IL1R2: variants seen among roughly 807,000 people sequenced by gnomAD.
IL1R2 encodes the protein interleukin 1 receptor type 2.
In IL1R2, 46 loss-of-function variants were observed where a neutral mutation model predicts 39.5. The ratio of observed to expected loss-of-function variants is 1.16; its 90% CI spans 0.92 to 1.49. The LOEUF is 1.49. Ranked by LOEUF, IL1R2 falls within the 40% of genes most tolerant of loss-of-function variation. IL1R2 has a pLI of 0.00. For missense variants in IL1R2, 537 were observed against 502.0 expected (o/e 1.07, Z -0.67); for synonymous variants, 207 against 189.6 (o/e 1.09, Z -0.75).
intron 1 of IL1R2, among the ~76,000 whole-genome samples, chr2:101,994,214 G>A (rs1046806548): frequency 4.6e-5 from 7 of 152,162 alleles, no homozygotes; most frequent in Middle Eastern, 3.4e-3. Flanking sequence ...CCTCCTACCC[G>A]GCCCTGCTAG....
At chr2:102,001,676 A>G (rs1446217264) in intron 1 of IL1R2, among the ~76,000 whole-genome samples, 3 of 152,214 alleles carry the variant, frequency 2.0e-5, no homozygotes, top group African/African-American at 7.2e-5. Context: ...ATTTCTCTGT[A>G]TCTGAGTCTA....
At chr2:102,017,190 G>A (rs1045259275) in intron 4 of IL1R2, among the ~76,000 whole-genome samples, 2 of 152,062 alleles carry the variant, frequency 1.3e-5, no homozygotes, top group Non-Finnish European at 2.9e-5. Flanking sequence ...CTGAGGTCAG[G>A]AGTTTGAGAC....
intron 3 of IL1R2, among the ~76,000 whole-genome samples, chr2:102,011,989 G>A (rs1676667219): frequency 6.6e-6 from 1 of 152,160 alleles, no homozygotes; most frequent in Admixed American, 6.5e-5. Context: ...AGTACTATTT[G>A]CTGAAAAGAC....
At chr2:102,028,171 C>G (rs1414629653) in intron 8 of IL1R2, 55 bp from the exon 9 acceptor site, 1 of 1,464,154 alleles carries the variant, frequency 6.8e-7, no homozygotes, top group Non-Finnish European at 9.2e-7. Flanking sequence ...TTGCCCTGTC[C>G]TCTTGTACAG....
rs1276636132 is a variant in IL1R2 at position 102,022,204 on chromosome 2, A to G, written c.706A>G (p.Ile236Val). ...TTTCTCAGAAAAAAAAGAAGAGACC[A>G]TTCCTGTGATCATTTCCCCCCTCAA... ...LRIKKKKEET[I>V]PVIISPLKTI... The change falls in exon 6 of 9, where the codon ATT becomes GTT. Residue 236 changes from isoleucine (I) to valine (V), a missense_variant. Ile to Val is a conservative substitution (Grantham distance 29). Transcript: ENST00000332549. 2 of 1,613,616 alleles carry G rather than the reference A, an allele frequency of 1.2e-6. No homozygotes were observed. Among genetic ancestry groups the G allele is most frequent in the East Asian group, 4.5e-5 (2 of 44,890 alleles).
At chr2:101,997,203 G>A (rs1023155934) in intron 1 of IL1R2, among the ~76,000 whole-genome samples, 4 of 152,150 alleles carry the variant, frequency 2.6e-5, no homozygotes, top group African/African-American at 4.8e-5. Context: ...CTGTGACTGG[G>A]AAAACCCGAG....
chr2:102,014,166 A>G (rs926040045), intron 3 of IL1R2, among the ~76,000 whole-genome samples: 1 of 152,248 alleles, frequency 6.6e-6, no homozygotes, highest in Non-Finnish European at 1.5e-5. Flanking sequence ...ACTTATGGGT[A>G]CTGAAGATAG....
chr2:102,003,809 T>TG (rs769189599), intron 1 of IL1R2, among the ~76,000 whole-genome samples: 7 of 1,362 alleles, frequency 5.1e-3, no homozygotes, highest in African/African-American at 6.4e-3. Context: ...TCTGTGGCTG[T>TG]GCTGTGTCTG....
intron 1 of IL1R2, among the ~76,000 whole-genome samples, chr2:101,996,507 G>T (rs1389713297): frequency 3.5e-4 from 11 of 31,882 alleles, no homozygotes; most frequent in Admixed American, 6.6e-4. Context: ...TTTTTTTTTG[G>T]GGGGGAGAAT....
At position 102,011,090 on chromosome 2, in the gene IL1R2, A is replaced by G. The variant is rs200983382; in HGVS notation, c.332+1264A>G. Among the ~76,000 whole-genome samples the G allele has an allele frequency of 5.9e-5, 9 of 152,272 alleles. No individual in the cohort carries two copies. In the East Asian group the frequency reaches 1.2e-3, roughly 20 times the overall value. On this transcript the variant is annotated intron_variant, in intron 3 of 8. Coordinates refer to ENST00000332549, the MANE Select transcript of IL1R2 (RefSeq NM_004633.4). ...GAGTTTCCTTCCTTTATGAGGTGGA[A>G]TATTATTATTCCGTTTTATGTATGT...
intron 4 of IL1R2, 100 bp from the exon 5 acceptor site, chr2:102,019,538 G>C: frequency 1.2e-6 from 1 of 855,396 alleles, no homozygotes. Flanking sequence ...GACAATTCTT[G>C]GATTGCAAAT....
chr2:102,008,227 A>G (rs1312697688), intron 1 of IL1R2, among the ~76,000 whole-genome samples: 2 of 152,250 alleles, frequency 1.3e-5, no homozygotes, highest in Non-Finnish European at 2.9e-5. Context: ...TCTCTGGCCA[A>G]GGCGCAGGAA....
At chr2:101,993,031 T>A (rs1675423904) in intron 1 of IL1R2, among the ~76,000 whole-genome samples, 1 of 152,134 alleles carries the variant, frequency 6.6e-6, no homozygotes, top group Admixed American at 6.5e-5. Context: ...CGCAGTGGAA[T>A]CTAACACAAG....
At chr2:101,997,359 G>A (rs1487096754) in intron 1 of IL1R2, among the ~76,000 whole-genome samples, 1 of 152,036 alleles carries the variant, frequency 6.6e-6, no homozygotes, top group Non-Finnish European at 1.5e-5. Context: ...AAAATGTTTA[G>A]CAACCAGCAG....
At chr2:101,993,786 C>G (rs950449150) in intron 1 of IL1R2, among the ~76,000 whole-genome samples, 1 of 152,208 alleles carries the variant, frequency 6.6e-6, no homozygotes, top group Non-Finnish European at 1.5e-5. Flanking sequence ...CCTCTACCCC[C>G]ACCCACAACT....
intron 4 of IL1R2, among the ~76,000 whole-genome samples, chr2:102,017,105 A>G (rs927416656): frequency 9.2e-5 from 14 of 152,178 alleles, no homozygotes; most frequent in African/African-American, 3.4e-4. Flanking sequence ...TTTTTTTAAA[A>G]AGTACATGAC....
At chr2:102,025,155 A>G (rs1179253067) in intron 7 of IL1R2, among the ~76,000 whole-genome samples, 2 of 152,322 alleles carry the variant, frequency 1.3e-5, no homozygotes, top group East Asian at 3.9e-4. Context: ...ATAAGCAGTC[A>G]TCTCTAGAAA....
chr2:102,018,020 CT>C (rs1329937027), intron 4 of IL1R2, among the ~76,000 whole-genome samples: 1 of 152,200 alleles, frequency 6.6e-6, no homozygotes, highest in African/African-American at 2.4e-5. Context: ...ATATTAGAAA[CT>C]TTGAAATGAT....
intron 1 of IL1R2, among the ~76,000 whole-genome samples, chr2:101,992,674 CAGACAG>C (rs1041652752): frequency 6.0e-4 from 91 of 150,430 alleles, no homozygotes; most frequent in African/African-American, 2.2e-3. Context: ...CAGAGAAAGG[CAGACAG>C]AGACAGAGAC....
Sources: allele counts gnomAD v4.1 joint callset (sites outside exome capture counted in the v4.1 genomes callset), GRCh38; gene constraint gnomAD v4.1.1; transcripts MANE v1.5; gene names NCBI Gene and HGNC (gene_info 2026-07-23, HGNC 2026-07-21).